The following TRAF3 variants were observed in gnomAD, a reference collection of about 807,000 sequenced individuals.
TRAF3 encodes TNF receptor associated factor 3, also known as TNF receptor-associated factor 3.
In TRAF3, 13 loss-of-function variants were observed where a neutral mutation model predicts 62.3. The ratio of observed to expected loss-of-function variants is 0.21; its 90% CI spans 0.14 to 0.33. The LOEUF (loss-of-function observed/expected upper bound fraction) is 0.33, where lower values mean the gene tolerates loss of function less well. Ranked by LOEUF, TRAF3 falls within the 10% of genes least tolerant of loss-of-function variation. The pLI, the probability that TRAF3 is intolerant of heterozygous loss-of-function variation, is 1.00. For synonymous variants in TRAF3, 269 were observed against 283.4 expected, an observed-to-expected ratio of 0.95 and a Z score of 0.51; for missense variants, 440 against 741.8, an observed-to-expected ratio of 0.59 and a Z score of 4.73.
chr14:102,890,380 G>A (rs778415024), intron 8 of TRAF3, among the ~76,000 whole-genome samples: 4 of 152,208 alleles, frequency 2.6e-5, no homozygotes, highest in Non-Finnish European at 4.4e-5. Flanking sequence ...AGTCAGTACA[G>A]AGAGATTGGC....
In TRAF3 at chr14:102,837,492, C is replaced by G. The variant is rs543477274; in HGVS notation, c.-18+7020C>G. Among the ~76,000 whole-genome samples, 3 of 152,090 alleles carry G rather than the reference C, an allele frequency of 2.0e-5. No individual in the cohort carries two copies. The South Asian group carries it at 6.2e-4, about 32-fold the overall frequency. ...GTGATAAATTTTATTTTAGCCTAGC[C>G]GAGATCTTAAAATCTATTTTGAAGT... On this transcript the variant is annotated intron_variant, in intron 2 of 11. Coordinates refer to ENST00000392745, the MANE Select transcript of TRAF3 (RefSeq NM_145725.3).
chr14:102,859,858 G>T (rs1271469822), intron 2 of TRAF3, among the ~76,000 whole-genome samples: 3 of 152,150 alleles, frequency 2.0e-5, no homozygotes, highest in African/African-American at 7.2e-5. Context: ...GGAGGAACAG[G>T]GCAAGGAAAG....
chr14:102,810,931 A>G (rs986847763), intron 1 of TRAF3, among the ~76,000 whole-genome samples: 1 of 152,234 alleles, frequency 6.6e-6, no homozygotes, highest in Non-Finnish European at 1.5e-5. Flanking sequence ...CAGAACCTTT[A>G]CAGTCACTTA....
chr14:102,903,194 G>A lies in TRAF3; in HGVS notation c.961-61G>A. On this transcript the variant is annotated intron_variant, in intron 10 of 11. Transcript: ENST00000392745. The surrounding 1 kb of genome is among the most constrained non-coding windows in gnomAD (Gnocchi z 6.4). ...CTAGCCTGTCTGTATTTGATGGAAG[G>A]TGGTGCAGCATTTTCCGAGTCCTAA... is the stretch of plus-strand genomic sequence containing the variant. 6.2e-7 allele frequency: 1 copy of A among 1,609,372 alleles called. No individual in the cohort carries two copies. The highest frequency in any genetic ancestry group is 2.2e-5 in the East Asian group (1 of 44,846).
chr14:102,819,928 G>A (rs981889149), intron 1 of TRAF3, among the ~76,000 whole-genome samples: 1 of 152,248 alleles, frequency 6.6e-6, no homozygotes, highest in African/African-American at 2.4e-5. Flanking sequence ...TTTTCAAATT[G>A]CAGAGAAGGG....
At chr14:102,870,162 A>G in intron 2 of TRAF3, 23 bp from the exon 3 acceptor site, 1 of 1,613,824 alleles carries the variant, frequency 6.2e-7, no homozygotes. Context: ...ATATGATGGC[A>G]CTCTACTGTT....
intron 2 of TRAF3, among the ~76,000 whole-genome samples, chr14:102,854,749 CCT>C (rs933589401): frequency 2.0e-4 from 30 of 150,868 alleles, no homozygotes; most frequent in Admixed American, 5.9e-4. Flanking sequence ...GATCTGCCCA[CCT>C]CAGCCTTTCA....
chr14:102,782,523 G>A, intron 1 of TRAF3, among the ~76,000 whole-genome samples: 1 of 152,000 alleles, frequency 6.6e-6, no homozygotes, highest in Non-Finnish European at 1.5e-5. Flanking sequence ...GTGAGCCACC[G>A]CACCCTGTCT....
intron 2 of TRAF3, among the ~76,000 whole-genome samples, chr14:102,839,409 G>A (rs1043194925): frequency 6.6e-6 from 1 of 151,884 alleles, no homozygotes; most frequent in Non-Finnish European, 1.5e-5. Flanking sequence ...TAGTAGAGAC[G>A]GGGTTTCACC....
At position 102,877,054 on chromosome 14, in the gene TRAF3, A is replaced by C. The variant is rs1162330003; in HGVS notation, c.570+529A>C. On this transcript the variant is annotated intron_variant, in intron 6 of 11. Coordinates refer to ENST00000392745, the MANE Select transcript of TRAF3 (RefSeq NM_145725.3). ...ATAGATAATCCGTTCCACAGGCCTT[A>C]GGCTCAATTCATAGATAATCCGTTC... Among the ~76,000 whole-genome samples, 88 of 105,308 alleles carry C rather than the reference A, an allele frequency of 8.4e-4. 2 individuals are homozygous for C. The highest frequency in any genetic ancestry group is 2.1e-3 in the African/African-American group (51 of 24,604). The allele number at this position is 105,308 out of a possible 152,430, so 69.1% of individuals were successfully genotyped here. A position where few individuals can be genotyped will look rare whatever the true frequency, so the allele number is the denominator to read the frequency against.
At chr14:102,809,419 C>T (rs553028780) in intron 1 of TRAF3, among the ~76,000 whole-genome samples, 29 of 152,092 alleles carry the variant, frequency 1.9e-4, no homozygotes, top group African/African-American at 6.0e-4. Flanking sequence ...CGTGAGCCAC[C>T]GCGCCTGGCC....
intron 7 of TRAF3, 36 bp downstream of exon 7, chr14:102,886,305 G>A (rs1435810124): frequency 1.3e-6 from 2 of 1,575,646 alleles, no homozygotes; most frequent in East Asian, 2.3e-5. Context: ...AGTCTGTGGA[G>A]TCCTCAGGGC....
intron 1 of TRAF3, among the ~76,000 whole-genome samples, chr14:102,813,434 G>A (rs950060932): frequency 3.3e-5 from 5 of 151,602 alleles, no homozygotes; most frequent in African/African-American, 2.4e-5. Flanking sequence ...CCCCTGCCCC[G>A]GCTTTTTTCT....
In TRAF3 at chr14:102,834,925, T is replaced by A. The variant is rs143956279; in HGVS notation, c.-18+4453T>A. ...GGATCTAATTAAACTTAAGAGCTTC[T>A]ATACAGCAAAAGAAATTATCGACAG... On this transcript the variant is annotated intron_variant, in intron 2 of 11. Transcript: ENST00000392745. Among the ~76,000 whole-genome samples, 871 of 152,258 alleles carry A rather than the reference T, an allele frequency of 5.7e-3. 9 individuals are homozygous for A. Among genetic ancestry groups the A allele is most frequent in the Admixed American group, 9.9e-3 (151 of 15,294 alleles).
intron 2 of TRAF3, among the ~76,000 whole-genome samples, chr14:102,836,007 GC>G (rs991469059): frequency 2.0e-5 from 3 of 152,232 alleles, no homozygotes; most frequent in Non-Finnish European, 4.4e-5. Context: ...GTTACACTGA[GC>G]TGTGATTGTG....
At chr14:102,808,729 A>G (rs1898927974) in intron 1 of TRAF3, among the ~76,000 whole-genome samples, 1 of 152,186 alleles carries the variant, frequency 6.6e-6, no homozygotes, top group Non-Finnish European at 1.5e-5. Context: ...TTTGGGGAAA[A>G]TATGTCCTCT....
chr14:102,820,282 G>C (rs964847564), intron 1 of TRAF3, among the ~76,000 whole-genome samples: 2 of 152,034 alleles, frequency 1.3e-5, no homozygotes, highest in African/African-American at 4.8e-5. Context: ...GGGTCTGGCT[G>C]CCCGGGTCCA....
chr14:102,801,948 G>A (rs1288256855), intron 1 of TRAF3, among the ~76,000 whole-genome samples: 5 of 148,678 alleles, frequency 3.4e-5, no homozygotes, highest in Non-Finnish European at 7.5e-5. Flanking sequence ...CCCGGGAGGC[G>A]GAGCTTGCAG....
Position 102,911,292 on chromosome 14 carries a change from G to A in TRAF3, c.*5508G>A, listed in dbSNP as rs1750016710. ...TGTTGTTACTGTGAGTTAGCAACAT[G>A]CCTGACTTCCTGATAGCATTACTGT... On this transcript the variant is annotated 3_prime_UTR_variant, in exon 12 of 12. Coordinates refer to ENST00000392745, the MANE Select transcript of TRAF3 (RefSeq NM_145725.3). The A allele has an allele frequency of 6.6e-6, 1 of 152,202 alleles. No homozygotes were observed. Among genetic ancestry groups the A allele is most frequent in the African/African-American group, 2.4e-5 (1 of 41,456 alleles). 9.4% of individuals were successfully genotyped at this position (152,202 alleles called of 1,614,324 possible).
Sources: gnomAD v4.1 joint callset for allele counts (sites outside exome capture counted in the v4.1 genomes callset) on GRCh38, gnomAD v4.1.1 for gene constraint, Gnocchi (gnomAD v3.1) non-coding constraint, MANE v1.5 for transcripts, NCBI Gene and HGNC (gene_info 2026-07-23, HGNC 2026-07-21) for gene names.